BRD4: variants seen among roughly 807,000 people sequenced by gnomAD.
BRD4 encodes the protein bromodomain-containing protein 4.
BRD4 carries 16 observed loss-of-function variants against 142.1 expected under a neutral mutation model. That is an observed-to-expected ratio of 0.11 (90% CI 0.08 to 0.17). BRD4 has a LOEUF of 0.17. BRD4 is among the 10% of genes least tolerant of loss of function. BRD4 has a pLI of 1.00. For missense variants in BRD4, 1,424 were observed against 1,810.9 expected, an observed-to-expected ratio of 0.79 and a Z score of 3.88; for synonymous variants, 833 against 707.5, an observed-to-expected ratio of 1.18 and a Z score of -2.82.
chr19:15,309,460 T>C (rs1156959987), intron 1 of BRD4, among the ~76,000 whole-genome samples: 1 of 151,846 alleles, frequency 6.6e-6, no homozygotes, highest in Non-Finnish European at 1.5e-5. Flanking sequence ...GGAACCCTCA[T>C]ATGTCCAGCA....
At chr19:15,242,691 T>C (rs1393887341) in intron 14 of BRD4, among the ~76,000 whole-genome samples, 1 of 152,156 alleles carries the variant, frequency 6.6e-6, no homozygotes, top group Non-Finnish European at 1.5e-5. Flanking sequence ...GGCCTTATTC[T>C]GAGTGATCTC....
At chr19:15,331,731 G>C (rs1055894172) in intron 1 of BRD4, 1 of 151,742 alleles carries the variant, frequency 6.6e-6, no homozygotes, top group East Asian at 2.0e-4. Context: ...GCCAGAAGGA[G>C]AGCGCGCCGG....
chr19:15,290,946 T>C (rs2047777307), intron 1 of BRD4, among the ~76,000 whole-genome samples: 1 of 152,160 alleles, frequency 6.6e-6, no homozygotes, highest in South Asian at 2.1e-4. Context: ...GAAAAAACTC[T>C]ATTGCATTAA....
At chr19:15,288,398 C>CA (rs1338131141) in intron 1 of BRD4, among the ~76,000 whole-genome samples, 3 of 151,976 alleles carry the variant, frequency 2.0e-5, no homozygotes, top group Non-Finnish European at 4.4e-5. Flanking sequence ...GACCACATCT[C>CA]AAAAAATAAT....
intron 1 of BRD4, among the ~76,000 whole-genome samples, chr19:15,321,004 C>T (rs565292778): frequency 1.6e-3 from 240 of 152,286 alleles, no homozygotes; most frequent in Non-Finnish European, 2.7e-3. Flanking sequence ...GAGGCCAAGG[C>T]GGATGGATCA....
intron 5 of BRD4, 65 bp from the exon 6 acceptor site, chr19:15,264,831 G>T (rs1032081225): frequency 4.5e-6 from 7 of 1,543,862 alleles, no homozygotes; most frequent in African/African-American, 4.1e-5. Context: ...TGCCCTCAGG[G>T]TCACCCCCAA....
In BRD4 at chr19:15,309,455, C is replaced by T. The variant is rs1308516168; in HGVS notation, c.-35+22835G>A. ...GGCAAAGATGTGGAGAAACTGGAAC[C>T]CTCATATGTCCAGCAATGTAAAATG... On this transcript the variant is annotated intron_variant, in intron 1 of 19. Transcript: ENST00000679869. 2.0e-5 allele frequency among the ~76,000 whole-genome samples: 3 copies of T among 152,020 alleles called. No homozygotes were observed. In the South Asian group the frequency reaches 6.2e-4, roughly 32 times the overall value.
chr19:15,308,293 T>TA (rs1263846177), intron 1 of BRD4, among the ~76,000 whole-genome samples: 1 of 147,222 alleles, frequency 6.8e-6, no homozygotes, highest in Non-Finnish European at 1.5e-5. Flanking sequence ...CCTCGTCTCT[T>TA]AAAACGGTAG....
At chr19:15,253,335 A>G (rs2047368001) in intron 11 of BRD4, 2 of 580,990 alleles carry the variant, frequency 3.4e-6, no homozygotes, top group Non-Finnish European at 6.1e-6. Context: ...AATAATGAGG[A>G]AAGTGCACAC....
intron 1 of BRD4, among the ~76,000 whole-genome samples, chr19:15,306,475 T>C (rs576660377): frequency 6.6e-6 from 1 of 152,186 alleles, no homozygotes; most frequent in South Asian, 2.1e-4. Flanking sequence ...CTCACTATGT[T>C]GCCCAGGCTG....
At chr19:15,277,871 C>CCGAGGCAGGCGGATCA (rs1249805008) in intron 1 of BRD4, among the ~76,000 whole-genome samples, 1 of 150,176 alleles carries the variant, frequency 6.7e-6, no homozygotes, top group Non-Finnish European at 1.5e-5. Flanking sequence ...CTTTGGGAGG[C>CCGAGGCAGGCGGATCA]CGAGGCAGGC....
At position 15,254,198 on chromosome 19, in the gene BRD4, C is replaced by G. The variant is rs543066899; in HGVS notation, c.2112G>C (p.Glu704Asp). 6.8e-6 allele frequency: 11 copies of G among 1,614,228 alleles called. No individual in the cohort carries two copies. The African/African-American group carries it at 1.5e-4, about 22-fold the overall frequency. ...KMKGFSSSES[E>D]SSSESSSSDS... ...CAGAGGAGCTGGACTCACTGGAGCT[C>G]TCCGACTCTGAGGACGAGAAGCCCT... is the stretch of plus-strand genomic sequence containing the variant. Residue 704 changes from glutamate to aspartate, a missense_variant, in exon 11 of 20, where the codon GAG becomes GAC. Around this residue, in one of 16 missense-constraint regions of BRD4, gnomAD observed 598 missense variants for 647.8 expected, o/e 0.92. Coordinates refer to ENST00000679869, the MANE Select transcript of BRD4 (RefSeq NM_001379291.1).
rs1447266268 is a variant in BRD4, at chr19:15,236,023, GGTA to G, written c.*2351_*2353del. The G allele has an allele frequency of 2.0e-5, 3 of 152,252 alleles. No individual in the cohort carries two copies. Among genetic ancestry groups the G allele is most frequent in the Admixed American group, 1.3e-4 (2 of 15,290 alleles). The allele number at this position is 152,252 out of a possible 1,614,324, so 9.4% of individuals were successfully genotyped here. On this transcript the variant is annotated 3_prime_UTR_variant, in exon 20 of 20. Transcript: ENST00000679869. ...TACGTCACACTTGAAGTGGCACAGT[GGTA>G]TATGAGAAAGTGCCTGAGTGGGCAT... is the stretch of plus-strand genomic sequence containing the variant.
chr19:15,242,064 T>C (rs1340210975), intron 14 of BRD4, among the ~76,000 whole-genome samples: 1 of 152,208 alleles, frequency 6.6e-6, no homozygotes, highest in African/African-American at 2.4e-5. Context: ...TCCACCTGCC[T>C]TGGCCTCCCA....
chr19:15,327,702 G>T (rs1471127055), intron 1 of BRD4, among the ~76,000 whole-genome samples: 1 of 152,004 alleles, frequency 6.6e-6, no homozygotes, highest in Admixed American at 6.6e-5. Flanking sequence ...GTTATAAAAA[G>T]GAATGAAGTA....
At chr19:15,281,407 A>G (rs974556437) in intron 1 of BRD4, among the ~76,000 whole-genome samples, 1 of 152,206 alleles carries the variant, frequency 6.6e-6, no homozygotes, top group East Asian at 1.9e-4. Flanking sequence ...CAGGCACACA[A>G]GGATCTTGCA....
intron 1 of BRD4, among the ~76,000 whole-genome samples, chr19:15,313,929 C>T (rs928670691): frequency 1.3e-5 from 2 of 152,000 alleles, no homozygotes; most frequent in African/African-American, 2.4e-5. Context: ...AAGTGCTTGC[C>T]GGAAAAACTC....
Position 15,251,775 on chromosome 19 carries a change from C to T in BRD4, c.2158+2377G>A, listed in dbSNP as rs536960043. Among the ~76,000 whole-genome samples, 183 of 152,282 alleles carry T rather than the reference C, an allele frequency of 1.2e-3. 2 individuals are homozygous for T. The highest frequency in any genetic ancestry group is 2.2e-3 in the Non-Finnish European group (151 of 68,022). ...CCTCCTGAGAGGAGAAGCACCCTGCCGGCCCACGACAGAGCTCACTCAGTG... is the reference window on the plus strand; with the variant it reads ...CCTCCTGAGAGGAGAAGCACCCTGCTGGCCCACGACAGAGCTCACTCAGTG... On this transcript the variant is annotated intron_variant, in intron 11 of 19. Coordinates refer to ENST00000679869, the MANE Select transcript of BRD4 (RefSeq NM_001379291.1).
intron 1 of BRD4, among the ~76,000 whole-genome samples, chr19:15,310,372 C>A (rs922174683): frequency 3.3e-4 from 18 of 53,974 alleles, no homozygotes; most frequent in East Asian, 6.6e-4. Flanking sequence ...CCCCCCCCCC[C>A]CCCCCCCCGA....
Sources: gnomAD v4.1 joint callset for allele counts (sites outside exome capture counted in the v4.1 genomes callset) on GRCh38, gnomAD v4.1.1 for gene constraint, gnomAD v4.1.1 regional missense constraint, MANE v1.5 for transcripts, NCBI Gene and HGNC (gene_info 2026-07-23, HGNC 2026-07-21) for gene names.